The following RBFOX1 variants were observed in gnomAD, a reference collection of about 807,000 sequenced individuals.
The protein encoded by RBFOX1 is RNA binding protein fox-1 homolog 1.
A neutral mutation model predicts 57.7 loss-of-function variants in RBFOX1; 8 were observed. That is an observed-to-expected ratio of 0.14 (90% CI 0.08 to 0.25). The LOEUF is 0.25. Ranked by LOEUF, RBFOX1 falls within the 10% of genes least tolerant of loss-of-function variation. The pLI, the probability that RBFOX1 is intolerant of heterozygous loss-of-function variation, is 1.00. For synonymous variants in RBFOX1, 326 were observed against 222.4 expected, an observed-to-expected ratio of 1.47 and a Z score of -4.15; for missense variants, 611 against 548.5, an observed-to-expected ratio of 1.11 and a Z score of -1.14.
At chr16:7,554,637 T>C (rs973039552) in intron 5 of RBFOX1, among the ~76,000 whole-genome samples, 5 of 152,184 alleles carry the variant, frequency 3.3e-5, no homozygotes. Context: ...GTTGAGCACT[T>C]TGAGCCTCTA....
chr16:6,642,367 G>A (rs1202047012), intron 2 of RBFOX1, among the ~76,000 whole-genome samples: 2 of 152,060 alleles, frequency 1.3e-5, no homozygotes, highest in Admixed American at 6.6e-5. Context: ...TTAAACTCCC[G>A]CTGTGATGCC....
intron 1 of RBFOX1, among the ~76,000 whole-genome samples, chr16:6,216,962 T>A (rs1470006708): frequency 6.6e-6 from 1 of 152,182 alleles, no homozygotes; most frequent in Admixed American, 6.5e-5. Context: ...GTTCACCTTT[T>A]GCCCACTTAA....
chr16:7,144,417 C>CTTTTTTTTTTTTTTTTTT (rs1190886141), intron 4 of RBFOX1, among the ~76,000 whole-genome samples: 3 of 66,912 alleles, frequency 4.5e-5, no homozygotes, highest in African/African-American at 6.1e-5. Context: ...TTTCTTTCTT[C>CTTTTTTTTTTTTTTTTTT]TTTTTTTTTT....
chr16:6,456,469 T>C (rs1328673930), intron 2 of RBFOX1, among the ~76,000 whole-genome samples: 1 of 152,184 alleles, frequency 6.6e-6, no homozygotes, highest in Non-Finnish European at 1.5e-5. Flanking sequence ...TCATTGATGA[T>C]TGGGAAGAGC....
At chr16:5,447,691 C>T (rs376229892) in intron 1 of RBFOX1, among the ~76,000 whole-genome samples, 56 of 152,330 alleles carry the variant, frequency 3.7e-4, no homozygotes, top group Middle Eastern at 3.4e-3. Flanking sequence ...CCACCGTGCC[C>T]GGCTGCCATT....
chr16:7,006,579 A>C (rs1024710335), intron 3 of RBFOX1, among the ~76,000 whole-genome samples: 1 of 152,012 alleles, frequency 6.6e-6, no homozygotes, highest in African/African-American at 2.4e-5. Flanking sequence ...CTTCCTGAGT[A>C]GGTAGGACTA....
intron 3 of RBFOX1, among the ~76,000 whole-genome samples, chr16:6,680,174 T>C (rs2058415175): frequency 6.6e-6 from 1 of 151,982 alleles, no homozygotes; most frequent in African/African-American, 2.4e-5. Context: ...AGAGATAGAA[T>C]AGCAATTTCG....
intron 4 of RBFOX1, among the ~76,000 whole-genome samples, chr16:7,400,664 G>A (rs938003096): frequency 6.6e-6 from 1 of 152,150 alleles, no homozygotes; most frequent in East Asian, 1.9e-4. Context: ...GCCATTTGGA[G>A]GTTTTCCACT....
intron 3 of RBFOX1, among the ~76,000 whole-genome samples, chr16:5,627,252 C>A (rs1260558761): frequency 6.6e-6 from 1 of 152,126 alleles, no homozygotes; most frequent in Non-Finnish European, 1.5e-5. Context: ...CACCAAATTA[C>A]CATCTTCTCT....
chr16:6,931,031 A>C (rs543298116), intron 3 of RBFOX1, among the ~76,000 whole-genome samples: 136 of 152,032 alleles, frequency 8.9e-4, no homozygotes, highest in African/African-American at 3.1e-3. Context: ...TGGATGTAGA[A>C]ATCAGGTTTT....
chr16:6,837,207 C>T (rs911449008), intron 3 of RBFOX1, among the ~76,000 whole-genome samples: 26 of 152,208 alleles, frequency 1.7e-4, no homozygotes, highest in African/African-American at 4.1e-4. Context: ...TACTAGGTAA[C>T]ATACAAACTG....
chr16:6,739,135 A>C (rs1448400462), intron 3 of RBFOX1, among the ~76,000 whole-genome samples: 2 of 152,118 alleles, frequency 1.3e-5, no homozygotes, highest in Non-Finnish European at 2.9e-5. Context: ...GAAATAATAA[A>C]AATTGGAGCA....
At chr16:6,370,768 C>G (rs992367768) in intron 2 of RBFOX1, among the ~76,000 whole-genome samples, 2 of 152,118 alleles carry the variant, frequency 1.3e-5, no homozygotes, top group African/African-American at 4.8e-5. Flanking sequence ...ATAATAGTTG[C>G]ACAAGAATGC....
chr16:7,131,341 CTTTTTTTTTT>C (rs34213849), intron 4 of RBFOX1, among the ~76,000 whole-genome samples: 6 of 71,758 alleles, frequency 8.4e-5, no homozygotes, highest in African/African-American at 2.9e-4. Context: ...GCGAGACTGT[CTTTTTTTTTT>C]TTTTTTTTTT....
intron 4 of RBFOX1, among the ~76,000 whole-genome samples, chr16:7,315,122 C>T (rs1424551736): frequency 1.3e-5 from 2 of 149,874 alleles, no homozygotes; most frequent in African/African-American, 2.5e-5. Context: ...TGCACTTGTA[C>T]TTGTGTTTTC....
rs563892014 is a variant in RBFOX1 at position 7,304,664 on chromosome 16, G to A, written c.28-213483G>A. On this transcript the variant is annotated intron_variant, in intron 4 of 15. Transcript: ENST00000550418. Reference sequence around the variant, plus strand: ...CTGTGGAGCCCGGGCACCTCGCGCTGAGATGTTTCTGCACCTGTCCGAATA... The same window carrying A: ...CTGTGGAGCCCGGGCACCTCGCGCTAAGATGTTTCTGCACCTGTCCGAATA... 1.9e-4 allele frequency among the ~76,000 whole-genome samples: 29 copies of A among 152,260 alleles called. 1 individual carries two copies. The South Asian group carries it at 5.8e-3, about 31-fold the overall frequency.
At chr16:6,020,035 T>TG (rs987507397) in intron 1 of RBFOX1, 43 bp downstream of exon 1, 48 of 1,441,246 alleles carry the variant, frequency 3.3e-5, no homozygotes, top group Non-Finnish European at 4.1e-5. Flanking sequence ...CACCCTGACC[T>TG]GGTGGGTCAG....
intron 1 of RBFOX1, among the ~76,000 whole-genome samples, chr16:5,267,330 C>T (rs2062885345): frequency 6.8e-6 from 1 of 146,584 alleles, no homozygotes; most frequent in South Asian, 2.2e-4. Flanking sequence ...GACAGTCTTG[C>T]TTTATTGCCC....
chr16:7,096,193 C>T (rs2061667321), intron 4 of RBFOX1, among the ~76,000 whole-genome samples: 1 of 152,028 alleles, frequency 6.6e-6, no homozygotes, highest in Non-Finnish European at 1.5e-5. Flanking sequence ...AACTGGTAAC[C>T]ATCGAGCAAA....
Sources: allele counts gnomAD v4.1 joint callset (sites outside exome capture counted in the v4.1 genomes callset), GRCh38; gene constraint gnomAD v4.1.1; transcripts MANE v1.5; gene names NCBI Gene and HGNC (gene_info 2026-07-23, HGNC 2026-07-21).